OTOG: variants seen among roughly 807,000 people sequenced by gnomAD.
The protein encoded by OTOG is otogelin.
In OTOG, 296 loss-of-function variants were observed where a neutral mutation model predicts 313.8. The observed-to-expected ratio is 0.94, with a 90% CI of 0.86 to 1.04. The LOEUF (loss-of-function observed/expected upper bound fraction) is 1.04. OTOG is among the 50% of genes least tolerant of loss of function. The pLI is 0.00. For synonymous variants in OTOG, 1,533 were observed against 1,554.9 expected (o/e 0.99, Z 0.33); for missense variants, 3,948 against 3,840.1 (o/e 1.03, Z -0.74).
intron 4 of OTOG, among the ~76,000 whole-genome samples, 179 bp downstream of exon 4, chr11:17,552,254 G>T (rs532857104): frequency 6.6e-6 from 1 of 152,250 alleles, no homozygotes; most frequent in South Asian, 2.1e-4. Flanking sequence ...TCTCCTCCCT[G>T]CCTGAGGAGA....
intron 39 of OTOG, among the ~76,000 whole-genome samples, chr11:17,613,962 A>C (rs1225287449): frequency 1.9e-4 from 29 of 152,354 alleles, no homozygotes; most frequent in Non-Finnish European, 2.9e-5. Flanking sequence ...TCGGAAAGGC[A>C]AAGAGACAGT....
intron 7 of OTOG, among the ~76,000 whole-genome samples, chr11:17,556,630 T>G (rs1266511782): frequency 6.6e-6 from 1 of 152,316 alleles, no homozygotes; most frequent in East Asian, 1.9e-4. Flanking sequence ...TGTGGCTAGT[T>G]AGACAGTACT....
chr11:17,573,382 C>T (rs968722920), intron 19 of OTOG, 92 bp downstream of exon 19: 1 of 1,281,844 alleles, frequency 7.8e-7, no homozygotes. Flanking sequence ...CTGGGATGCC[C>T]TCCAGTCTCC....
intron 25 of OTOG, 134 bp from the exon 26 acceptor site, chr11:17,593,059 G>T: frequency 1.1e-6 from 1 of 940,554 alleles, no homozygotes; most frequent in Non-Finnish European, 1.5e-6. Context: ...GTCGCCCAAA[G>T]TCACACAGCT....
intron 39 of OTOG, among the ~76,000 whole-genome samples, chr11:17,625,964 A>T (rs992441642): frequency 1.3e-5 from 2 of 152,108 alleles, no homozygotes; most frequent in Non-Finnish European, 2.9e-5. Context: ...ATCCATTTTG[A>T]TTTGATTCTC....
Position 17,558,591 on chromosome 11 carries a change from C to A in OTOG, c.1050C>A (p.His350Gln). ...ALLRPPFDAC[H>Q]AYVSPLPFTA... ...TGCGGCCCCCCTTTGACGCCTGCCA[C>A]GCCTACGTCAGCCCTCTGCCCTTCA... Residue 350 changes from histidine (H) to glutamine (Q), a missense_variant, in exon 10 of 56, where the codon CAC (histidine) becomes CAA (glutamine). Coordinates refer to ENST00000399397, the MANE Select transcript of OTOG (RefSeq NM_001292063.2). The A allele has an allele frequency of 1.3e-6, 2 of 1,550,464 alleles. No homozygotes were observed. The highest frequency in any genetic ancestry group is 1.7e-6 in the Non-Finnish European group (2 of 1,147,006).
chr11:17,629,044 A>ATGGG (rs1854050834), intron 39 of OTOG, 89 bp from the exon 40 acceptor site: 48 of 1,270,214 alleles, frequency 3.8e-5, no homozygotes, highest in Non-Finnish European at 4.9e-5. Context: ...GGATGGATGG[A>ATGGG]TGGATGAATG....
chr11:17,588,889 C>T (rs1852867701), intron 24 of OTOG, among the ~76,000 whole-genome samples: 1 of 152,112 alleles, frequency 6.6e-6, no homozygotes, highest in African/African-American at 2.4e-5. Flanking sequence ...CACTCCCTCT[C>T]ATACCCTGAC....
chr11:17,593,458 A>G, intron 26 of OTOG, 131 bp downstream of exon 26: 2 of 1,422,106 alleles, frequency 1.4e-6, no homozygotes, highest in East Asian at 5.0e-5. Context: ...AGGAGCCCAG[A>G]CTGAATTCCT....
intron 22 of OTOG, 80 bp downstream of exon 22, chr11:17,576,991 C>A: frequency 7.2e-7 from 1 of 1,397,818 alleles, no homozygotes; most frequent in Non-Finnish European, 9.7e-7. Flanking sequence ...ACTGATCAGG[C>A]TGTGGCAAGC....
intron 7 of OTOG, among the ~76,000 whole-genome samples, chr11:17,556,584 G>T (rs533915823): frequency 7.6e-4 from 116 of 152,164 alleles, no homozygotes; most frequent in Admixed American, 1.4e-3. Context: ...TGGCCTATAG[G>T]TTTCTCCTGT....
chr11:17,618,666 GTTTA>G (rs1853788826), intron 39 of OTOG, among the ~76,000 whole-genome samples: 2 of 152,118 alleles, frequency 1.3e-5, no homozygotes, highest in African/African-American at 2.4e-5. Context: ...GACTGTAATT[GTTTA>G]TTTGTCTATT....
intron 33 of OTOG, among the ~76,000 whole-genome samples, chr11:17,607,432 T>G (rs1178589602): frequency 6.6e-6 from 1 of 152,200 alleles, no homozygotes; most frequent in Admixed American, 6.5e-5. Context: ...TTTGCCAAGG[T>G]GCTAGCCACA....
At position 17,594,541 on chromosome 11, in the gene OTOG, G is replaced by C. The variant is rs184499760; in HGVS notation, c.3408+375G>C. 1.2e-3 allele frequency among the ~76,000 whole-genome samples: 189 copies of C among 152,296 alleles called. 2 individuals carry two copies. The highest frequency in any genetic ancestry group is 4.2e-3 in the African/African-American group (173 of 41,568). On this transcript the variant is annotated intron_variant, in intron 28 of 55. Transcript: ENST00000399397. ...AGGTGGGTTGAGGCAATCAGGGAAG[G>C]CTTCCTGAAGGAGATGAGAGTGGTG...
At chr11:17,642,923 C>G (rs971998328) in intron 53 of OTOG, among the ~76,000 whole-genome samples, 1 of 152,220 alleles carries the variant, frequency 6.6e-6, no homozygotes, top group African/African-American at 2.4e-5. Context: ...AAATCACACA[C>G]ACATACTGAG....
chr11:17,571,397 C>T (rs1852401077), intron 17 of OTOG, among the ~76,000 whole-genome samples: 1 of 152,114 alleles, frequency 6.6e-6, no homozygotes, highest in African/African-American at 2.4e-5. Context: ...GAACCTGCCC[C>T]CCAGAGAGAC....
At chr11:17,604,447 C>T (rs947372635) in intron 32 of OTOG, among the ~76,000 whole-genome samples, 1 of 152,216 alleles carries the variant, frequency 6.6e-6, no homozygotes, top group Admixed American at 6.5e-5. Flanking sequence ...CCCACGCCTG[C>T]ATCCCATGGG....
chr11:17,580,142 G>A (rs1852633222), intron 23 of OTOG, among the ~76,000 whole-genome samples: 1 of 152,196 alleles, frequency 6.6e-6, no homozygotes, highest in Non-Finnish European at 1.5e-5. Context: ...TCTCAATGAT[G>A]TATCTAAGAA....
At chr11:17,554,091 A>G (rs1397070779) in intron 6 of OTOG, among the ~76,000 whole-genome samples, 1 of 152,116 alleles carries the variant, frequency 6.6e-6, no homozygotes, top group Non-Finnish European at 1.5e-5. Context: ...CATTCTGGGG[A>G]AAAAGATCAT....
Sources: allele counts gnomAD v4.1 joint callset (sites outside exome capture counted in the v4.1 genomes callset), GRCh38; gene constraint gnomAD v4.1.1; transcripts MANE v1.5; gene names NCBI Gene and HGNC (gene_info 2026-07-23, HGNC 2026-07-21).